Variants in RPS6KB1 observed in about 807,000 individuals in gnomAD.
The protein encoded by RPS6KB1 is ribosomal protein S6 kinase B1, also known as ribosomal protein S6 kinase beta-1.
RPS6KB1 carries 12 observed loss-of-function variants against 70.2 expected under a neutral mutation model. The observed-to-expected ratio is 0.17, with a 90% CI of 0.11 to 0.28. The LOEUF is 0.28. RPS6KB1 is among the 10% of genes least tolerant of loss of function. The pLI is 1.00. For synonymous variants in RPS6KB1, 175 were observed against 211.2 expected (o/e 0.83, Z 1.49); for missense variants, 270 against 646.6 (o/e 0.42, Z 6.32).
intron 2 of RPS6KB1, chr17:59,912,423 C>T (rs1374652342): frequency 3.1e-6 from 1 of 321,486 alleles, no homozygotes; most frequent in Non-Finnish European, 6.0e-6. Flanking sequence ...ACCATAGTAC[C>T]CCTTTATGCA....
At chr17:59,894,410 C>T (rs943960939) in intron 1 of RPS6KB1, among the ~76,000 whole-genome samples, 2 of 152,110 alleles carry the variant, frequency 1.3e-5, no homozygotes, top group African/African-American at 2.4e-5. Context: ...ATTCCAATGT[C>T]TAGTTGAATA....
intron 5 of RPS6KB1, 87 bp downstream of exon 5, chr17:59,926,669 C>T (rs1450847398): frequency 8.8e-7 from 1 of 1,134,416 alleles, no homozygotes; most frequent in Non-Finnish European, 1.3e-6. Context: ...AATACTTTTT[C>T]CCATTATGAT....
chr17:59,902,932 G>A (rs2042044398), intron 1 of RPS6KB1, among the ~76,000 whole-genome samples: 1 of 152,058 alleles, frequency 6.6e-6, no homozygotes, highest in African/African-American at 2.4e-5. Flanking sequence ...TATAATCCTA[G>A]CACTGTGGGA....
At chr17:59,927,925 C>T (rs180528) in intron 5 of RPS6KB1, among the ~76,000 whole-genome samples, 50,271 of 151,150 alleles carry the variant, frequency 0.33, 8,539 homozygotes, top group East Asian at 0.44. Flanking sequence ...TTTGGGAGGC[C>T]AAGGTGGGCG....
rs1042221923 is a variant in RPS6KB1 at position 59,947,467 on chromosome 17, G to A, written c.*679G>A. On this transcript the variant is annotated 3_prime_UTR_variant, in exon 15 of 15. Coordinates refer to ENST00000225577, the MANE Select transcript of RPS6KB1 (RefSeq NM_003161.4). The stretch of plus-strand genomic sequence containing the variant: ...TGCAAATGAATCATTGTTAACCACA[G>A]CTGTGGCTCGTTTGAGGGATTGGGG... 4.3e-6 allele frequency: 6 copies of A among 1,404,310 alleles called. No individual in the cohort carries two copies. Among genetic ancestry groups the A allele is most frequent in the Admixed American group, 5.8e-5 (2 of 34,312 alleles). 87.0% of individuals were successfully genotyped at this position (1,404,310 alleles called of 1,614,324 possible).
intron 4 of RPS6KB1, among the ~76,000 whole-genome samples, chr17:59,919,416 T>C (rs1410493680): frequency 6.6e-6 from 1 of 152,086 alleles, no homozygotes. Context: ...GATTGCACCA[T>C]TGTGCTCTAG....
At chr17:59,896,275 C>G (rs1179045489) in intron 1 of RPS6KB1, among the ~76,000 whole-genome samples, 2 of 151,986 alleles carry the variant, frequency 1.3e-5, no homozygotes, top group Non-Finnish European at 2.9e-5. Context: ...CTCACTGCAG[C>G]CTCCACTTCC....
chr17:59,917,408 A>G (rs2043021220), intron 4 of RPS6KB1, among the ~76,000 whole-genome samples: 1 of 151,998 alleles, frequency 6.6e-6, no homozygotes, highest in South Asian at 2.1e-4. Flanking sequence ...GGTATGGCCC[A>G]CTGCGCCCGG....
Position 59,893,639 on chromosome 17 carries a change from G to T in RPS6KB1, c.141+314G>T, listed in dbSNP as rs2041288271. 6.6e-6 allele frequency among the ~76,000 whole-genome samples: 1 copy of T among 152,196 alleles called. No individual in the cohort carries two copies. Among genetic ancestry groups the T allele is most frequent in the South Asian group, 2.1e-4 (1 of 4,828 alleles). ...TTGAGTGTGGCGGGGAGCGGGTGGC[G>T]TGAGCGTGTGTTGGGGAGACGGGGG... On this transcript the variant is annotated intron_variant, in intron 1 of 14. Transcript: ENST00000225577. This position sits in a 1 kb window ranked among gnomAD's most constrained non-coding sequence, Gnocchi z 4.1.
chr17:59,939,812 GA>G (rs1238751524), intron 12 of RPS6KB1, among the ~76,000 whole-genome samples: 1 of 152,134 alleles, frequency 6.6e-6, no homozygotes, highest in Non-Finnish European at 1.5e-5. Context: ...GGCTCTAAGA[GA>G]ATTATAAGGT....
At chr17:59,903,884 T>C (rs2042107912) in intron 1 of RPS6KB1, among the ~76,000 whole-genome samples, 1 of 152,082 alleles carries the variant, frequency 6.6e-6, no homozygotes, top group Non-Finnish European at 1.5e-5. Flanking sequence ...TTTTCAAAAA[T>C]TGGGTGTGTC....
At position 59,912,775 on chromosome 17, in the gene RPS6KB1, C is replaced by T. The variant is rs951553081; in HGVS notation, c.283C>T (p.Arg95Trp). 3 of 1,613,916 alleles carry T rather than the reference C, an allele frequency of 1.9e-6. No homozygotes were observed. Among genetic ancestry groups the T allele is most frequent in the African/African-American group, 2.7e-5 (2 of 75,002 alleles). ...KIRPECFELL[R>W]VLGKGGYGKV... ...CAGACCAGAATGTTTTGAGCTACTTCGGGTACTTGGTAAAGGGGGCTATGG... is the reference window on the plus strand; with the variant it reads ...CAGACCAGAATGTTTTGAGCTACTTTGGGTACTTGGTAAAGGGGGCTATGG... The change falls in exon 3 of 15, where the codon CGG (arginine) becomes TGG (tryptophan). Residue 95 changes from arginine (R) to tryptophan (W), a missense_variant. Coordinates refer to ENST00000225577, the MANE Select transcript of RPS6KB1 (RefSeq NM_003161.4).
At chr17:59,914,014 T>G (rs12103623) in intron 3 of RPS6KB1, among the ~76,000 whole-genome samples, 41,402 of 152,080 alleles carry the variant, frequency 0.27, 5,784 homozygotes, top group Middle Eastern at 0.41. Context: ...TTTGTGTTAT[T>G]TTTTATTGTT....
At chr17:59,902,578 CTTTTTTTTT>C (rs559757964) in intron 1 of RPS6KB1, among the ~76,000 whole-genome samples, 1 of 134,352 alleles carries the variant, frequency 7.4e-6, no homozygotes, top group Non-Finnish European at 1.6e-5. Context: ...TTTTTTGTTT[CTTTTTTTTT>C]TTTTTTTGGA....
At chr17:59,895,498 A>G (rs1356070398) in intron 1 of RPS6KB1, among the ~76,000 whole-genome samples, 2 of 147,478 alleles carry the variant, frequency 1.4e-5, no homozygotes, top group Non-Finnish European at 3.0e-5. Context: ...CTTTTTTTGT[A>G]TTTTAGTAGA....
Position 59,949,449 on chromosome 17 carries a change from A to G in RPS6KB1, c.*2661A>G, listed in dbSNP as rs897628696. ...AGTGCTTTTTTTTCATCACTTGATT[A>G]TTTTCTTTAAAATCAGCTATTACAG... On this transcript the variant is annotated 3_prime_UTR_variant, in exon 15 of 15. Coordinates refer to ENST00000225577, the MANE Select transcript of RPS6KB1 (RefSeq NM_003161.4). 40 of 152,386 alleles carry G rather than the reference A, an allele frequency of 2.6e-4. No homozygotes were observed. Among genetic ancestry groups the G allele is most frequent in the African/African-American group, 8.2e-4 (34 of 41,374 alleles). The allele number at this position is 152,386 out of a possible 1,614,324, so 9.4% of individuals were successfully genotyped here.
Position 59,949,160 on chromosome 17 carries a change from T to G in RPS6KB1, c.*2372T>G, listed in dbSNP as rs1459611606. On this transcript the variant is annotated 3_prime_UTR_variant, in exon 15 of 15. Transcript: ENST00000225577. ...AATACATAGTTTTTCTGACTTCACA[T>G]TTATTAAGTGAAATTTATTTCCCAT... 3 of 152,624 alleles carry G rather than the reference T, an allele frequency of 2.0e-5. No homozygotes were observed. The highest frequency in any genetic ancestry group is 4.4e-5 in the Non-Finnish European group (3 of 68,008). The allele number at this position is 152,624 out of a possible 1,614,324, so 9.5% of individuals were successfully genotyped here. A position where few individuals can be genotyped will look rare whatever the true frequency, so the allele number is the denominator to read the frequency against.
intron 12 of RPS6KB1, among the ~76,000 whole-genome samples, chr17:59,939,026 T>A (rs1464373316): frequency 6.6e-6 from 1 of 152,178 alleles, no homozygotes; most frequent in Non-Finnish European, 1.5e-5. Flanking sequence ...TCTTTCTTTG[T>A]TAGCTGGAAT....
chr17:59,920,146 T>TA (rs1184781062), intron 4 of RPS6KB1, among the ~76,000 whole-genome samples: 1 of 152,000 alleles, frequency 6.6e-6, no homozygotes. Flanking sequence ...ACCTCCTGAG[T>TA]AGCTGGGATT....
Sources: allele counts gnomAD v4.1 joint callset (sites outside exome capture counted in the v4.1 genomes callset), GRCh38; gene constraint gnomAD v4.1.1; non-coding constraint Gnocchi (gnomAD v3.1); transcripts MANE v1.5; gene names NCBI Gene and HGNC (gene_info 2026-07-23, HGNC 2026-07-21).